The following SYDE2 variants were observed in gnomAD, a reference collection of about 807,000 sequenced individuals.
SYDE2 encodes rho GTPase-activating protein SYDE2.
Under a neutral mutation model 91.5 loss-of-function variants are expected in SYDE2, and 76 were observed. The observed-to-expected ratio is 0.83, with a 90% CI of 0.69 to 1.01. The LOEUF (loss-of-function observed/expected upper bound fraction) is 1.01, where lower values mean the gene tolerates loss of function less well. Ranked by LOEUF, SYDE2 falls within the 50% of genes least tolerant of loss-of-function variation. The pLI is 0.00. For missense variants in SYDE2, 1,364 were observed against 1,367.7 expected (o/e 1.00, Z 0.04); for synonymous variants, 513 against 506.4 (o/e 1.01, Z -0.18).
At chr1:85,185,221 T>C (rs1235952436) in intron 2 of SYDE2, among the ~76,000 whole-genome samples, 3 of 147,734 alleles carry the variant, frequency 2.0e-5, no homozygotes, top group Admixed American at 6.8e-5. Context: ...ATTTAATATT[T>C]ATAATATATA....
chr1:85,180,535 A>T (rs541349331), intron 3 of SYDE2, among the ~76,000 whole-genome samples: 1 of 152,168 alleles, frequency 6.6e-6, no homozygotes, highest in Non-Finnish European at 1.5e-5. Flanking sequence ...ACTAAAAAAA[A>T]TACAAAAATT....
chr1:85,162,718 C>T (rs756840345), intron 6 of SYDE2, among the ~76,000 whole-genome samples: 8 of 152,124 alleles, frequency 5.3e-5, no homozygotes, highest in Non-Finnish European at 1.0e-4. Context: ...ACTAAGGTGG[C>T]TACTATTACA....
intron 2 of SYDE2, among the ~76,000 whole-genome samples, chr1:85,184,224 T>A (rs1268295329): frequency 6.6e-6 from 1 of 152,210 alleles, no homozygotes; most frequent in Non-Finnish European, 1.5e-5. Context: ...TAGCAGGAAC[T>A]CAATATTTAG....
rs552891296 is a variant in SYDE2, at chr1:85,182,343, G to A, written c.2299C>T (p.Pro767Ser). ...GTCTTTGTCACTCTAAATAAGGTGG[G>A]AAGAACAACAGTTCCATGACAACAA... Reference protein sequence around the residue: ...RVCCHGTVVLPTLFRVTKTHQ... With the variant: ...RVCCHGTVVLSTLFRVTKTHQ... The change falls in exon 3 of 7, where the codon CCC becomes TCC. Residue 767 changes from proline to serine, a missense_variant. Coordinates refer to ENST00000341460, the MANE Select transcript of SYDE2 (RefSeq NM_032184.2). 8.1e-6 allele frequency: 13 copies of A among 1,613,768 alleles called. No homozygotes were observed. The highest frequency in any genetic ancestry group is 3.3e-5 in the Admixed American group (2 of 59,990).
chr1:85,161,816 T>C (rs946579711), intron 6 of SYDE2, among the ~76,000 whole-genome samples: 1 of 151,902 alleles, frequency 6.6e-6, no homozygotes, highest in Non-Finnish European at 1.5e-5. Flanking sequence ...TTTAAAGTGA[T>C]AGGGGGGCCA....
intron 4 of SYDE2, among the ~76,000 whole-genome samples, chr1:85,169,722 G>A (rs1470893825): frequency 1.3e-5 from 2 of 152,074 alleles, no homozygotes; most frequent in East Asian, 1.9e-4. Flanking sequence ...GTCTTAAACC[G>A]ATATATTGGA....
chr1:85,162,212 G>A (rs1571225213), intron 6 of SYDE2, among the ~76,000 whole-genome samples: 2 of 152,210 alleles, frequency 1.3e-5, no homozygotes, highest in East Asian at 3.9e-4. Flanking sequence ...AAATAAGGGG[G>A]CGACTCTTTT....
chr1:85,192,032 T>A (rs1658390858), intron 1 of SYDE2, among the ~76,000 whole-genome samples: 2 of 152,140 alleles, frequency 1.3e-5, no homozygotes, highest in African/African-American at 4.8e-5. Flanking sequence ...TATGGAATTA[T>A]ATGGTCAACT....
chr1:85,164,565 G>T lies in SYDE2; in HGVS notation c.3046C>A (p.His1016Asn). ...ELASALDFKKHIEVLHYLLQL... is the reference protein window; with the variant it reads ...ELASALDFKKNIEVLHYLLQL... ...AGTAAGTAATGAAGAACTTCAATGT[G>T]TTTTTTAAAATCCAAAGCACTTGCA... is the stretch of plus-strand genomic sequence containing the variant. Residue 1016 changes from histidine to asparagine, a missense_variant, in exon 6 of 7, where the codon CAC becomes AAC. Physicochemically the swap from His to Asn is moderately conservative, Grantham distance 68. Transcript: ENST00000341460. 6.2e-7 allele frequency: 1 copy of T among 1,606,540 alleles called. No homozygotes were observed. Among genetic ancestry groups the T allele is most frequent in the Non-Finnish European group, 8.5e-7 (1 of 1,176,712 alleles).
intron 1 of SYDE2, among the ~76,000 whole-genome samples, chr1:85,198,810 G>GA (rs936655840): frequency 6.7e-6 from 1 of 150,144 alleles, no homozygotes; most frequent in East Asian, 1.9e-4. Flanking sequence ...TAAGCCAAAG[G>GA]GGGGGAGGTA....
chr1:85,182,344 A>C lies in SYDE2; in HGVS notation c.2298T>G (p.Leu766=). The C allele has an allele frequency of 6.2e-7, 1 of 1,613,932 alleles. No homozygotes were observed. Among genetic ancestry groups the C allele is most frequent in the Non-Finnish European group, 8.5e-7 (1 of 1,179,856 alleles). The change falls in exon 3 of 7, where the codon CTT becomes CTG. Residue 766 remains leucine, a synonymous_variant. Coordinates refer to ENST00000341460, the MANE Select transcript of SYDE2 (RefSeq NM_032184.2). ...TCTTTGTCACTCTAAATAAGGTGGG[A>C]AGAACAACAGTTCCATGACAACAAA... ...NRVCCHGTVV[L]PTLFRVTKTH...
intron 2 of SYDE2, 38 bp downstream of exon 2, chr1:85,190,019 G>T: frequency 6.9e-7 from 1 of 1,442,074 alleles, no homozygotes; most frequent in Non-Finnish European, 9.4e-7. Context: ...ATTCAAAAAT[G>T]GAAGAAGAAA....
intron 4 of SYDE2, among the ~76,000 whole-genome samples, chr1:85,171,180 G>A (rs1197136442): frequency 6.6e-6 from 1 of 152,142 alleles, no homozygotes; most frequent in Non-Finnish European, 1.5e-5. Context: ...AAAAATCTGA[G>A]ATGAAAGAGA....
Position 85,157,158 on chromosome 1 carries a change from G to A in SYDE2, c.*1592C>T, listed in dbSNP as rs1009705937. 6.6e-6 allele frequency: 1 copy of A among 151,810 alleles called. No homozygotes were observed. The highest frequency in any genetic ancestry group is 1.5e-5 in the Non-Finnish European group (1 of 67,894). The allele number at this position is 151,810 out of a possible 1,614,324, so 9.4% of individuals were successfully genotyped here. On this transcript the variant is annotated 3_prime_UTR_variant, in exon 7 of 7. Coordinates refer to ENST00000341460, the MANE Select transcript of SYDE2 (RefSeq NM_032184.2). The stretch of plus-strand genomic sequence containing the variant: ...TATTTATTGCATAGAAATATTTTAA[G>A]TACTTTAATATTTAGAAAAACATCA...
At chr1:85,175,548 A>T (rs994423765) in intron 4 of SYDE2, among the ~76,000 whole-genome samples, 11 of 151,864 alleles carry the variant, frequency 7.2e-5, no homozygotes, top group African/African-American at 9.7e-5. Context: ...CACTTGATTT[A>T]AAAAAAAACT....
chr1:85,177,042 G>C (rs1464822683), intron 4 of SYDE2, among the ~76,000 whole-genome samples: 1 of 152,022 alleles, frequency 6.6e-6, no homozygotes. Flanking sequence ...TAGAATGACT[G>C]TATCACACCT....
Position 85,182,264 on chromosome 1 carries a change from G to A in SYDE2, c.2378C>T (p.Thr793Ile). The change falls in exon 3 of 7, where the codon ACT becomes ATT. Residue 793 changes from threonine (T) to isoleucine (I), a missense_variant. Coordinates refer to ENST00000341460, the MANE Select transcript of SYDE2 (RefSeq NM_032184.2). Reference sequence around the variant, plus strand: ...AGAATTCTCCCACTGTTCCATAAGAGTCACTTTCACATAAATAAGACCTCT... The same window carrying A: ...AGAATTCTCCCACTGTTCCATAAGAATCACTTTCACATAAATAAGACCTCT... ...EPRGLIYVKV[T>I]LMEQWENSLH... is the part of the protein sequence containing the mutation. The A allele has an allele frequency of 6.2e-7, 1 of 1,612,800 alleles. No individual in the cohort carries two copies. The highest frequency in any genetic ancestry group is 1.1e-5 in the South Asian group (1 of 90,824).
At chr1:85,163,627 A>G (rs1657157355) in intron 6 of SYDE2, among the ~76,000 whole-genome samples, 1 of 151,838 alleles carries the variant, frequency 6.6e-6, no homozygotes, top group African/African-American at 2.4e-5. Flanking sequence ...TGAAGAGGTT[A>G]AAGTTTTTGT....
Position 85,200,567 on chromosome 1 carries a change from G to T in SYDE2, c.430C>A (p.Pro144Thr). Reference protein sequence around the residue: ...ARAAAPTGLQPPGCKDHGCSS... With the variant: ...ARAAAPTGLQTPGCKDHGCSS... ...CAGCCGTGGTCCTTGCAGCCTGGAG[G>T]CTGGAGGCCGGTGGGTGCAGCCGCC... is the stretch of plus-strand genomic sequence containing the variant. The change falls in exon 1 of 7, where the codon CCT becomes ACT. Residue 144 changes from proline (P) to threonine (T), a missense_variant. Physicochemically the swap from Pro to Thr is conservative, Grantham distance 38. Transcript: ENST00000341460. The T allele has an allele frequency of 1.2e-6, 2 of 1,601,346 alleles. No homozygotes were observed.
Sources: gnomAD v4.1 joint callset for allele counts (sites outside exome capture counted in the v4.1 genomes callset) on GRCh38, gnomAD v4.1.1 for gene constraint, MANE v1.5 for transcripts, NCBI Gene and HGNC (gene_info 2026-07-23, HGNC 2026-07-21) for gene names.